Variants in CERS3 observed in about 807,000 individuals in gnomAD.
CERS3 encodes ceramide synthase 3, also known as LAG1 homolog, ceramide synthase 3.
A neutral mutation model predicts 50.3 loss-of-function variants in CERS3; 33 were observed. That is an observed-to-expected ratio of 0.66 (90% CI 0.50 to 0.88). The LOEUF (loss-of-function observed/expected upper bound fraction) is 0.88. CERS3 is among the 40% of genes least tolerant of loss of function. CERS3 has a pLI of 0.00. For missense variants in CERS3, 470 were observed against 460.3 expected (o/e 1.02, Z -0.19); for synonymous variants, 176 against 155.2 (o/e 1.13, Z -0.99).
chr15:100,486,107 G>C (rs1282448682), intron 4 of CERS3, among the ~76,000 whole-genome samples: 2 of 152,148 alleles, frequency 1.3e-5, no homozygotes, highest in Non-Finnish European at 2.9e-5. Flanking sequence ...GAAATCACTA[G>C]GTTTTTAAAA....
chr15:100,413,522 CTATACTATACTATACTATACT>C (rs2031648970), intron 11 of CERS3, among the ~76,000 whole-genome samples: 2 of 34,482 alleles, frequency 5.8e-5, no homozygotes, highest in Admixed American at 2.8e-4. Flanking sequence ...CTATACTATA[CTATACTATACTATACTATACT>C]ATACTATACT....
At chr15:100,415,379 G>A (rs1471229085) in intron 11 of CERS3, among the ~76,000 whole-genome samples, 1 of 152,146 alleles carries the variant, frequency 6.6e-6, no homozygotes, top group Non-Finnish European at 1.5e-5. Flanking sequence ...GTGGGAAACA[G>A]TGTGGCAATT....
chr15:100,400,772 A>G lies in CERS3; in HGVS notation c.*1941T>C, dbSNP rs1436745444. The G allele has an allele frequency of 6.6e-6, 1 of 152,148 alleles. No homozygotes were observed. The highest frequency in any genetic ancestry group is 1.9e-4 in the East Asian group (1 of 5,196). 9.4% of individuals were successfully genotyped at this position (152,148 alleles called of 1,614,324 possible). A position where few individuals can be genotyped will look rare whatever the true frequency, so the allele number is the denominator to read the frequency against. On this transcript the variant is annotated 3_prime_UTR_variant, in exon 12 of 12. Transcript: ENST00000679737. ...AGAAAGCATACCGTTAACTGAAAAC[A>G]TAAAAAATTATATCTTAGTGTGACC...
chr15:100,519,234 G>A (rs922684193), intron 2 of CERS3, among the ~76,000 whole-genome samples: 3 of 152,038 alleles, frequency 2.0e-5, no homozygotes, highest in Non-Finnish European at 2.9e-5. Flanking sequence ...ATTTTGTGGA[G>A]GAGAACCCTG....
At chr15:100,418,229 G>T (rs1011508511) in intron 11 of CERS3, among the ~76,000 whole-genome samples, 10 of 151,772 alleles carry the variant, frequency 6.6e-5, no homozygotes, top group Admixed American at 2.0e-4. Context: ...TACAGAGAAG[G>T]GCTTAAAGGA....
chr15:100,478,021 G>A (rs902598627), intron 7 of CERS3, among the ~76,000 whole-genome samples: 1 of 152,134 alleles, frequency 6.6e-6, no homozygotes, highest in Admixed American at 6.5e-5. Context: ...TACAGTGTCT[G>A]TCATTTAATC....
chr15:100,513,316 T>C (rs987833339), intron 2 of CERS3, among the ~76,000 whole-genome samples: 3 of 152,166 alleles, frequency 2.0e-5, no homozygotes, highest in African/African-American at 7.2e-5. Context: ...CAGAGGCTTT[T>C]TCTCCAAAAT....
chr15:100,522,847 G>C (rs180705760), intron 1 of CERS3, among the ~76,000 whole-genome samples: 1 of 152,148 alleles, frequency 6.6e-6, no homozygotes, highest in African/African-American at 2.4e-5. Flanking sequence ...CATATACCTG[G>C]GAGTGGAAAC....
Position 100,473,570 on chromosome 15 carries a change from G to A in CERS3, c.610-518C>T, listed in dbSNP as rs565213631. 3.9e-5 allele frequency among the ~76,000 whole-genome samples: 6 copies of A among 152,272 alleles called. No individual in the cohort carries two copies. In the South Asian group the frequency reaches 1.2e-3, roughly 32 times the overall value. ...AAGCATGCTCAATCATTAGCCATTG[G>A]GAGAATACAAACCAAAACCACAATG... On this transcript the variant is annotated intron_variant, in intron 8 of 11. Coordinates refer to ENST00000679737, the MANE Select transcript of CERS3 (RefSeq NM_001378789.1).
rs2036009219 is a variant in CERS3, at chr15:100,501,803, A to C, written c.47T>G (p.Leu16Arg). Residue 16 changes from leucine (L) to arginine (R), a missense_variant, in exon 3 of 12, where the codon CTT (leucine) becomes CGT (arginine). Leu to Arg is a moderately radical substitution (Grantham distance 102). Coordinates refer to ENST00000679737, the MANE Select transcript of CERS3 (RefSeq NM_001378789.1). ...ATCTGACCACTTTATTGTTGGAGGA[A>C]GCCAGAATCTTTCCAACCAGAACCA... ...KEWFWLERFWLPPTIKWSDLE... is the reference protein window; with the variant it reads ...KEWFWLERFWRPPTIKWSDLE... 2 of 1,614,172 alleles carry C rather than the reference A, an allele frequency of 1.2e-6. No homozygotes were observed. The highest frequency in any genetic ancestry group is 3.3e-5 in the Admixed American group (2 of 60,026).
intron 10 of CERS3, among the ~76,000 whole-genome samples, chr15:100,461,773 G>A (rs751541030): frequency 1.7e-4 from 26 of 152,226 alleles, no homozygotes; most frequent in African/African-American, 6.3e-4. Context: ...AGCAGGATCC[G>A]AGGAATGGGG....
chr15:100,475,799 G>T, intron 8 of CERS3: 1 of 175,696 alleles, frequency 5.7e-6, no homozygotes, highest in Non-Finnish European at 1.2e-5. Context: ...TTGCACTGAT[G>T]GACATTAAGT....
At chr15:100,520,590 A>G (rs549732910) in intron 2 of CERS3, among the ~76,000 whole-genome samples, 10 of 152,336 alleles carry the variant, frequency 6.6e-5, no homozygotes, top group Non-Finnish European at 1.3e-4. Flanking sequence ...TCTTCCTCCC[A>G]GTAGGCTACC....
Position 100,462,605 on chromosome 15 carries a change from ATTTGAAGCC to A in CERS3, c.846-6568_846-6560del, listed in dbSNP as rs2034586519. On this transcript the variant is annotated intron_variant, in intron 10 of 11. Transcript: ENST00000679737. ...ACTCTTAACCCTACTTTCAAATTTA[ATTTGAAGCC>A]TATCTGTTCTGTGTTTCAAATATCC... Among the ~76,000 whole-genome samples, 4 of 152,222 alleles carry A rather than the reference ATTTGAAGCC, an allele frequency of 2.6e-5. 1 individual carries two copies. The South Asian group carries it at 8.3e-4, about 31-fold the overall frequency.
chr15:100,481,178 C>T (rs1415870919), intron 5 of CERS3, among the ~76,000 whole-genome samples: 3 of 152,082 alleles, frequency 2.0e-5, no homozygotes, highest in Non-Finnish European at 2.9e-5. Context: ...AAAATGAAGC[C>T]ATCTCCCCAG....
At chr15:100,502,267 A>AAAGAAAGAAAG (rs369193664) in intron 2 of CERS3, among the ~76,000 whole-genome samples, 1 of 109,260 alleles carries the variant, frequency 9.2e-6, no homozygotes, top group Non-Finnish European at 1.8e-5. Flanking sequence ...AAAAAAAAAA[A>AAAGAAAGAAAG]AAAGAAAGAA....
At chr15:100,439,652 A>T (rs2033590058) in intron 11 of CERS3, among the ~76,000 whole-genome samples, 1 of 152,250 alleles carries the variant, frequency 6.6e-6, no homozygotes, top group Admixed American at 6.5e-5. Context: ...TTTTAACTCC[A>T]GCCGCTAGCC....
upstream of CERS3, among the ~76,000 whole-genome samples, chr15:100,533,562 C>CTTTT (rs59483467): frequency 8.2e-4 from 92 of 112,402 alleles, no homozygotes; most frequent in African/African-American, 3.0e-3. Context: ...CCCTCTCTCT[C>CTTTT]TTTTTTTTTT....
rs1555533169 is a variant in CERS3 at position 100,506,470 on chromosome 15, C to CACCG, written c.-1-4621_-1-4620insCGGT. ...GTGTGAAGAAATCGGGACCCCCCCGCCGCCCCACACACACACACACCAGAC... is the reference window on the plus strand; with the variant it reads ...GTGTGAAGAAATCGGGACCCCCCCGCACCGCGCCCCACACACACACACACCAGAC... On this transcript the variant is annotated intron_variant, in intron 2 of 11. Transcript: ENST00000679737. Among the ~76,000 whole-genome samples the CACCG allele has an allele frequency of 3.0e-4, 40 of 133,578 alleles. 1 individual carries two copies. In the East Asian group the frequency reaches 3.2e-3, roughly 11 times the overall value. 87.6% of individuals were successfully genotyped at this position (133,578 alleles called of 152,430 possible).
Sources: allele counts gnomAD v4.1 joint callset (sites outside exome capture counted in the v4.1 genomes callset), GRCh38; gene constraint gnomAD v4.1.1; transcripts MANE v1.5; gene names NCBI Gene and HGNC (gene_info 2026-07-23, HGNC 2026-07-21).